Variants in SLC24A2 observed in about 807,000 individuals in gnomAD.
The protein encoded by SLC24A2 is sodium/potassium/calcium exchanger 2.
A neutral mutation model predicts 62.0 loss-of-function variants in SLC24A2; 36 were observed. The ratio of observed to expected loss-of-function variants is 0.58; its 90% CI spans 0.44 to 0.77. The LOEUF (loss-of-function observed/expected upper bound fraction) is 0.77, where lower values mean the gene tolerates loss of function less well. SLC24A2 is among the 30% of genes least tolerant of loss of function. SLC24A2 has a pLI of 0.00. For synonymous variants in SLC24A2, 358 were observed against 294.0 expected, an observed-to-expected ratio of 1.22 and a Z score of -2.23; for missense variants, 846 against 817.9, an observed-to-expected ratio of 1.03 and a Z score of -0.42.
At chr9:19,901,294 G>A in the SLC24A2 span, among the ~76,000 whole-genome samples, 2 of 152,130 alleles carry the variant, frequency 1.3e-5, no homozygotes, top group Non-Finnish European at 2.9e-5. Context: ...GAGGACTCAG[G>A]GGATGCTGTA....
the SLC24A2 span, among the ~76,000 whole-genome samples, chr9:20,066,871 C>G: frequency 2.0e-5 from 3 of 152,146 alleles, no homozygotes; most frequent in Non-Finnish European, 2.9e-5. Flanking sequence ...TGACTTGTTT[C>G]TGTTGAATTG....
chr9:20,254,858 C>G, the SLC24A2 span, among the ~76,000 whole-genome samples: 1 of 152,076 alleles, frequency 6.6e-6, no homozygotes, highest in Admixed American at 6.5e-5. Flanking sequence ...ACAGTCCTGG[C>G]GGAATGTGAA....
chr9:19,706,377 A>C (rs7029946), intron 2 of SLC24A2, among the ~76,000 whole-genome samples: 119,996 of 145,106 alleles, frequency 0.83, 49,615 homozygotes, highest in East Asian at 0.87. Context: ...TGGGTCTTGA[A>C]TCTTTTTTTT....
the SLC24A2 span, among the ~76,000 whole-genome samples, chr9:20,159,230 T>C: frequency 6.6e-6 from 1 of 151,654 alleles, no homozygotes. Context: ...AAGAGTCTAC[T>C]AGAGCAATGT....
At chr9:19,961,142 A>G in the SLC24A2 span, among the ~76,000 whole-genome samples, 1 of 6,234 alleles carries the variant, frequency 1.6e-4, no homozygotes, top group East Asian at 9.3e-4. Flanking sequence ...AAGAAAGGGG[A>G]GAGAGAGAGA....
chr9:20,121,496 G>C, the SLC24A2 span, among the ~76,000 whole-genome samples: 1 of 152,042 alleles, frequency 6.6e-6, no homozygotes, highest in South Asian at 2.1e-4. Flanking sequence ...AGTTATATTT[G>C]ATTTCCCATC....
chr9:19,536,813 C>T (rs1456254831), intron 8 of SLC24A2, among the ~76,000 whole-genome samples: 100 of 67,858 alleles, frequency 1.5e-3, no homozygotes, highest in East Asian at 1.8e-3. Context: ...TTTACAGTCC[C>T]ACCAACAGTG....
At chr9:19,753,147 C>T (rs1822035324) in intron 2 of SLC24A2, among the ~76,000 whole-genome samples, 1 of 152,178 alleles carries the variant, frequency 6.6e-6, no homozygotes, top group Admixed American at 6.5e-5. Flanking sequence ...ACACAAAAGG[C>T]ACCGTTTGAA....
At chr9:20,220,440 G>C in the SLC24A2 span, among the ~76,000 whole-genome samples, 4 of 152,124 alleles carry the variant, frequency 2.6e-5, no homozygotes, top group Non-Finnish European at 5.9e-5. Context: ...CTCCATATGG[G>C]TAAGCAGGAG....
the SLC24A2 span, among the ~76,000 whole-genome samples, chr9:20,229,627 G>A: frequency 0.01 from 1,530 of 151,958 alleles, 26 homozygotes; most frequent in African/African-American, 0.034. Flanking sequence ...CCCAGTCTCG[G>A]GTCCCTTATC....
chr9:20,061,612 C>G, the SLC24A2 span, among the ~76,000 whole-genome samples: 1 of 152,076 alleles, frequency 6.6e-6, no homozygotes, highest in Non-Finnish European at 1.5e-5. Context: ...AACAAAAGTG[C>G]CAAGACAATT....
the SLC24A2 span, among the ~76,000 whole-genome samples, chr9:20,144,982 T>A: frequency 6.6e-6 from 1 of 152,136 alleles, no homozygotes; most frequent in Non-Finnish European, 1.5e-5. Context: ...TTAAAGATGA[T>A]CATCAGATAT....
At chr9:19,904,915 G>A in the SLC24A2 span, among the ~76,000 whole-genome samples, 2 of 152,070 alleles carry the variant, frequency 1.3e-5, no homozygotes, top group Non-Finnish European at 2.9e-5. Flanking sequence ...TTTACTTAAA[G>A]GAATAAAGAC....
intron 2 of SLC24A2, among the ~76,000 whole-genome samples, chr9:19,631,871 T>C (rs1818189001): frequency 6.6e-6 from 1 of 152,192 alleles, no homozygotes; most frequent in African/African-American, 2.4e-5. Context: ...AGAGCCAGTC[T>C]TTCTTTTGGT....
At chr9:19,917,852 TTAG>T in the SLC24A2 span, among the ~76,000 whole-genome samples, 1 of 152,158 alleles carries the variant, frequency 6.6e-6, no homozygotes, top group African/African-American at 2.4e-5. Context: ...TTTTCAAATA[TTAG>T]TAGAATATTT....
chr9:19,636,318 T>TCTTTCCTTTTCTTTC (rs1818331989), intron 2 of SLC24A2, among the ~76,000 whole-genome samples: 3 of 32,220 alleles, frequency 9.3e-5, no homozygotes, highest in African/African-American at 3.7e-4. Flanking sequence ...TCTTTTCTTT[T>TCTTTCCTTTTCTTTC]CTTTCTTTCT....
intron 5 of SLC24A2, among the ~76,000 whole-genome samples, chr9:19,584,762 C>CA (rs534777794): frequency 1.3e-5 from 2 of 151,954 alleles, no homozygotes; most frequent in South Asian, 4.2e-4. Flanking sequence ...TAAACAAAAC[C>CA]ACCAAAAACA....
At chr9:19,538,989 T>C (rs1834111117) in intron 8 of SLC24A2, among the ~76,000 whole-genome samples, 2 of 131,464 alleles carry the variant, frequency 1.5e-5, no homozygotes, top group Non-Finnish European at 3.2e-5. Flanking sequence ...AGTTTATTTG[T>C]GTAGAGGTGT....
the SLC24A2 span, among the ~76,000 whole-genome samples, chr9:20,190,369 G>T: frequency 2.0e-5 from 3 of 152,138 alleles, no homozygotes; most frequent in Non-Finnish European, 4.4e-5. Flanking sequence ...AATTAATAAA[G>T]GTGAAACTTC....
Sources: allele counts gnomAD v4.1 joint callset (sites outside exome capture counted in the v4.1 genomes callset), GRCh38; gene constraint gnomAD v4.1.1; transcripts MANE v1.5; gene names NCBI Gene and HGNC (gene_info 2026-07-23, HGNC 2026-07-21).